Variants in FBXW10B observed in about 807,000 individuals in gnomAD.
FBXW10B encodes F-box and WD repeat domain containing 10B.
the FBXW10B span, among the ~76,000 whole-genome samples, chr17:15,585,855 T>TCTTGGTAG: frequency 3.3e-5 from 5 of 152,340 alleles, no homozygotes; most frequent in Admixed American, 3.3e-4. Flanking sequence ...CACTCCCACC[T>TCTTGGTAG]CTTGGTAGCC....
the FBXW10B span, chr17:15,619,358 G>A: frequency 6.2e-7 from 1 of 1,613,174 alleles, no homozygotes; most frequent in Non-Finnish European, 8.5e-7. Flanking sequence ...CCTCCTCTGT[G>A]ATATGTCATT....
At chr17:15,584,357 A>C in the FBXW10B span, among the ~76,000 whole-genome samples, 7 of 152,238 alleles carry the variant, frequency 4.6e-5, no homozygotes, top group Non-Finnish European at 7.3e-5. Context: ...GGATAAAACC[A>C]CAATTTAGCA....
chr17:15,570,554 A>C, the FBXW10B span, among the ~76,000 whole-genome samples: 45 of 152,226 alleles, frequency 3.0e-4, no homozygotes, highest in Non-Finnish European at 6.2e-4. Context: ...GTTCTATAGG[A>C]ACTGGACCTT....
At chr17:15,590,812 A>C in the FBXW10B span, among the ~76,000 whole-genome samples, 1 of 152,158 alleles carries the variant, frequency 6.6e-6, no homozygotes, top group South Asian at 2.1e-4. Flanking sequence ...CCACTTCAGC[A>C]CTTGGGTCCC....
At chr17:15,603,044 C>T in the FBXW10B span, among the ~76,000 whole-genome samples, 1 of 141,590 alleles carries the variant, frequency 7.1e-6, no homozygotes, top group African/African-American at 2.7e-5. Context: ...GCCACCATGC[C>T]CAGCTAATTT....
chr17:15,565,597 A>G, the FBXW10B span: 6 of 1,614,142 alleles, frequency 3.7e-6, no homozygotes, highest in East Asian at 2.2e-5. Flanking sequence ...GAAATTATCA[A>G]TAGGCAGGCC....
At chr17:15,578,650 G>A in the FBXW10B span, among the ~76,000 whole-genome samples, 1 of 152,068 alleles carries the variant, frequency 6.6e-6, no homozygotes, top group Non-Finnish European at 1.5e-5. Context: ...GTTGGTCCCT[G>A]CCCTCAAGAA....
chr17:15,595,683 T>G, the FBXW10B span, among the ~76,000 whole-genome samples: 1 of 152,098 alleles, frequency 6.6e-6, no homozygotes, highest in Non-Finnish European at 1.5e-5. Flanking sequence ...CAGCCACTTT[T>G]CACTGTGATC....
At chr17:15,603,799 G>T in the FBXW10B span, among the ~76,000 whole-genome samples, 6 of 147,374 alleles carry the variant, frequency 4.1e-5, no homozygotes, top group African/African-American at 1.5e-4. Context: ...AGGGCTGGGC[G>T]CGGTGGCTCA....
the FBXW10B span, chr17:15,615,920 A>C: frequency 6.8e-7 from 1 of 1,470,158 alleles, no homozygotes; most frequent in East Asian, 2.5e-5. Context: ...GATGTACAGA[A>C]TGGACCAGAG....
chr17:15,593,610 A>C, the FBXW10B span: 3 of 1,389,438 alleles, frequency 2.2e-6, no homozygotes, highest in Admixed American at 6.9e-5. Context: ...AACTGGCCTC[A>C]AAATGGTGTT....
At chr17:15,591,821 C>T in the FBXW10B span, among the ~76,000 whole-genome samples, 1 of 152,112 alleles carries the variant, frequency 6.6e-6, no homozygotes, top group South Asian at 2.1e-4. Flanking sequence ...CACACAGACA[C>T]CACACACTCC....
the FBXW10B span, among the ~76,000 whole-genome samples, chr17:15,605,742 G>T: frequency 6.6e-6 from 1 of 152,006 alleles, no homozygotes. Context: ...AATTGATCAC[G>T]GAAACCTTTT....
At chr17:15,566,610 G>C in the FBXW10B span, among the ~76,000 whole-genome samples, 1 of 151,720 alleles carries the variant, frequency 6.6e-6, no homozygotes, top group African/African-American at 2.4e-5. Context: ...ACCCAGGCTG[G>C]AGTGCAGTGG....
the FBXW10B span, among the ~76,000 whole-genome samples, chr17:15,579,444 GT>G: frequency 6.6e-6 from 1 of 152,132 alleles, no homozygotes. Context: ...TTTCAAAACA[GT>G]TTTCTGTAGA....
the FBXW10B span, among the ~76,000 whole-genome samples, chr17:15,590,961 C>G: frequency 6.6e-6 from 1 of 152,120 alleles, no homozygotes; most frequent in African/African-American, 2.4e-5. Context: ...GGGCCAGAGT[C>G]AGGGCCAAGT....
the FBXW10B span, among the ~76,000 whole-genome samples, chr17:15,615,345 A>T: frequency 1.9e-5 from 1 of 52,662 alleles, no homozygotes; most frequent in Non-Finnish European, 2.9e-5. Context: ...TTTTTTTGAG[A>T]CAGTCTCGCT....
At chr17:15,602,784 C>T in the FBXW10B span, among the ~76,000 whole-genome samples, 2 of 122,234 alleles carry the variant, frequency 1.6e-5, no homozygotes, top group African/African-American at 7.9e-5. Flanking sequence ...CCCGCCACCT[C>T]GCCCGGCTAA....
At chr17:15,607,696 T>C in the FBXW10B span, 3 of 1,608,748 alleles carry the variant, frequency 1.9e-6, no homozygotes, top group Non-Finnish European at 1.7e-6. Context: ...AACAAGGGAA[T>C]ATTTGAAGTT....
Sources: allele counts gnomAD v4.1 joint callset (sites outside exome capture counted in the v4.1 genomes callset), GRCh38; gene constraint gnomAD v4.1.1; transcripts MANE v1.5; gene names NCBI Gene and HGNC (gene_info 2026-07-23, HGNC 2026-07-21).